Variants in NKAIN3 observed in about 807,000 individuals in gnomAD.
NKAIN3 encodes sodium/potassium transporting ATPase interacting 3.
NKAIN3 carries 25 observed loss-of-function variants against 30.2 expected under a neutral mutation model. That is an observed-to-expected ratio of 0.83 (90% CI 0.60 to 1.16). The LOEUF (loss-of-function observed/expected upper bound fraction) is 1.16, where lower values mean the gene tolerates loss of function less well. NKAIN3 is among the 50% of genes most tolerant of loss of function. The pLI is 0.00. For missense variants in NKAIN3, 225 were observed against 254.1 expected (o/e 0.89, Z 0.78); for synonymous variants, 91 against 89.6 (o/e 1.02, Z -0.09).
chr8:62,826,782 C>T (rs1320221895), intron 4 of NKAIN3, among the ~76,000 whole-genome samples: 1 of 152,172 alleles, frequency 6.6e-6, no homozygotes, highest in Admixed American at 6.5e-5. Flanking sequence ...CAATGCTCTC[C>T]TTGTACTGTA....
At chr8:62,738,659 C>T (rs555025631) in intron 3 of NKAIN3, among the ~76,000 whole-genome samples, 64 of 149,516 alleles carry the variant, frequency 4.3e-4, no homozygotes, top group African/African-American at 1.4e-3. Flanking sequence ...ATATCCTTTG[C>T]CCACTTTTTG....
intron 1 of NKAIN3, among the ~76,000 whole-genome samples, chr8:62,307,030 G>T (rs1233611664): frequency 6.7e-6 from 1 of 149,646 alleles, no homozygotes; most frequent in Non-Finnish European, 1.5e-5. Flanking sequence ...TGAATAATTT[G>T]AATCCCCTTC....
In NKAIN3 at chr8:62,884,476, C is replaced by T. The variant is rs191342864; in HGVS notation, c.472-33977C>T. 9.1e-4 allele frequency among the ~76,000 whole-genome samples: 139 copies of T among 152,200 alleles called. 2 individuals are homozygous for T. In the Middle Eastern group the frequency reaches 0.02, roughly 22 times the overall value. ...TTCTCCATGTTGGTCAGGCTGGTCT[C>T]GAACCCCCGACCTCAAGTGATCTGC... is the stretch of plus-strand genomic sequence containing the variant. On this transcript the variant is annotated intron_variant, in intron 4 of 6. Coordinates refer to ENST00000623646, the MANE Select transcript of NKAIN3 (RefSeq NM_001304533.3).
intron 4 of NKAIN3, among the ~76,000 whole-genome samples, chr8:62,909,520 G>T (rs1328667552): frequency 6.6e-6 from 1 of 152,076 alleles, no homozygotes; most frequent in African/African-American, 2.4e-5. Flanking sequence ...TGGCAAGAAT[G>T]CATTTTCCAT....
intron 1 of NKAIN3, among the ~76,000 whole-genome samples, chr8:62,534,251 G>T (rs979948669): frequency 6.6e-6 from 1 of 152,094 alleles, no homozygotes; most frequent in Non-Finnish European, 1.5e-5. Context: ...ACCACACGTG[G>T]GAAAAGTTGA....
At chr8:62,657,396 C>T (rs1200782031) in intron 3 of NKAIN3, among the ~76,000 whole-genome samples, 4 of 152,138 alleles carry the variant, frequency 2.6e-5, no homozygotes, top group Non-Finnish European at 5.9e-5. Flanking sequence ...AAAAGCAAAT[C>T]ATATCCTATC....
intron 1 of NKAIN3, among the ~76,000 whole-genome samples, chr8:62,412,498 T>C (rs907054659): frequency 6.6e-6 from 1 of 152,100 alleles, no homozygotes; most frequent in Non-Finnish European, 1.5e-5. Flanking sequence ...AGAAAATCTT[T>C]AAACAGACAA....
chr8:62,833,245 A>T (rs1456940977), intron 4 of NKAIN3, among the ~76,000 whole-genome samples: 56 of 152,094 alleles, frequency 3.7e-4, no homozygotes, highest in Admixed American at 3.5e-3. Context: ...AGTTAGAAAG[A>T]TCTCAAATTA....
intron 4 of NKAIN3, among the ~76,000 whole-genome samples, chr8:62,846,526 C>T (rs1384356800): frequency 6.6e-6 from 1 of 151,966 alleles, no homozygotes; most frequent in African/African-American, 2.4e-5. Flanking sequence ...TTCTGCCCCT[C>T]GTGACCATGT....
intron 1 of NKAIN3, among the ~76,000 whole-genome samples, chr8:62,289,252 T>A (rs181810048): frequency 0.012 from 1,862 of 152,360 alleles, 15 homozygotes; most frequent in Admixed American, 0.016. Flanking sequence ...TTTAAGTAGA[T>A]CCCATTTGTC....
chr8:62,583,610 C>T (rs1279140930), intron 2 of NKAIN3, among the ~76,000 whole-genome samples: 1 of 152,166 alleles, frequency 6.6e-6, no homozygotes, highest in Non-Finnish European at 1.5e-5. Context: ...CCAAGGAACA[C>T]AGGTGGTAGT....
At chr8:62,478,412 A>G (rs993556817) in intron 1 of NKAIN3, among the ~76,000 whole-genome samples, 17 of 152,216 alleles carry the variant, frequency 1.1e-4, no homozygotes, top group African/African-American at 3.9e-4. Context: ...AAGTAAAGTC[A>G]TGCATTGTGC....
intron 4 of NKAIN3, among the ~76,000 whole-genome samples, chr8:62,806,776 C>G (rs1818300782): frequency 6.6e-6 from 1 of 151,598 alleles, no homozygotes; most frequent in Non-Finnish European, 1.5e-5. Flanking sequence ...TCACTTTGTG[C>G]ACATGTACCC....
chr8:62,557,702 C>G (rs531106994), intron 1 of NKAIN3, among the ~76,000 whole-genome samples: 3 of 152,114 alleles, frequency 2.0e-5, no homozygotes, highest in African/African-American at 7.2e-5. Context: ...ATTTGTATAT[C>G]TTCTTTTGTG....
rs570582469 is a variant in NKAIN3, at chr8:62,554,773, A to C, written c.55-24766A>C. ...AACAATAATCCTGGTGTTGCACATT[A>C]GATTTCCAGACTTACTCATCCTACA... On this transcript the variant is annotated intron_variant, in intron 1 of 6. Coordinates refer to ENST00000623646, the MANE Select transcript of NKAIN3 (RefSeq NM_001304533.3). 1.5e-3 allele frequency among the ~76,000 whole-genome samples: 225 copies of C among 152,250 alleles called. 2 individuals are homozygous for C. The highest frequency in any genetic ancestry group is 5.1e-3 in the African/African-American group (213 of 41,548).
intron 1 of NKAIN3, among the ~76,000 whole-genome samples, chr8:62,358,140 G>A (rs1351626116): frequency 6.6e-6 from 1 of 151,746 alleles, no homozygotes. Flanking sequence ...TCTCAGGCAT[G>A]CATATGGAGG....
intron 1 of NKAIN3, among the ~76,000 whole-genome samples, chr8:62,493,367 T>C (rs1175517993): frequency 2.0e-5 from 3 of 152,164 alleles, no homozygotes; most frequent in African/African-American, 7.2e-5. Context: ...CTCTCTATTC[T>C]GCTCCACTTG....
chr8:62,665,183 TA>T (rs1813060707), intron 3 of NKAIN3, among the ~76,000 whole-genome samples: 1 of 152,176 alleles, frequency 6.6e-6, no homozygotes, highest in Non-Finnish European at 1.5e-5. Flanking sequence ...TAAGAAACAT[TA>T]AAGTAAAACA....
chr8:62,813,713 C>T (rs1285717848), intron 4 of NKAIN3, among the ~76,000 whole-genome samples: 1 of 151,644 alleles, frequency 6.6e-6, no homozygotes, highest in East Asian at 1.9e-4. Flanking sequence ...CATTTTATTC[C>T]TTTTTCTTAC....
Sources: allele counts gnomAD v4.1 joint callset (sites outside exome capture counted in the v4.1 genomes callset), GRCh38; gene constraint gnomAD v4.1.1; transcripts MANE v1.5; gene names NCBI Gene and HGNC (gene_info 2026-07-23, HGNC 2026-07-21).